Variants in ITPR2 observed in about 807,000 individuals in gnomAD.
The protein encoded by ITPR2 is inositol 1,4,5-trisphosphate receptor type 2.
Under a neutral mutation model 317.1 loss-of-function variants are expected in ITPR2, and 207 were observed. The ratio of observed to expected loss-of-function variants is 0.65; its 90% CI spans 0.58 to 0.73. The LOEUF is 0.73. ITPR2 is among the 30% of genes least tolerant of loss of function. The pLI is 0.00. For missense variants in ITPR2, 2,613 were observed against 3,284.0 expected, an observed-to-expected ratio of 0.80 and a Z score of 4.99; for synonymous variants, 1,156 against 1,149.1, an observed-to-expected ratio of 1.01 and a Z score of -0.12.
chr12:26,536,905 G>A (rs1023171605), intron 37 of ITPR2, among the ~76,000 whole-genome samples: 2 of 152,316 alleles, frequency 1.3e-5, no homozygotes, highest in African/African-American at 4.8e-5. Flanking sequence ...TTTAAAAGAA[G>A]GCAGAGGAAT....
chr12:26,580,137 C>T lies in ITPR2; in HGVS notation c.4399G>A (p.Asp1467Asn), dbSNP rs1945367211. ...DMARVCNTTT[D>N]RKHADIFLEK... ...AAAAAGATGTCTGCATGTTTCCTGTCTGTAGTTGTGTTGCAAACCTGGAGA... is the reference window on the plus strand; with the variant it reads ...AAAAAGATGTCTGCATGTTTCCTGTTTGTAGTTGTGTTGCAAACCTGGAGA... The change falls in exon 33 of 57, where the codon GAC becomes AAC. Residue 1467 changes from aspartate (D) to asparagine (N), a missense_variant. Physicochemically the swap from Asp to Asn is conservative, Grantham distance 23. Around this residue, in one of 9 missense-constraint regions of ITPR2, gnomAD observed 926 missense variants for 1,072.8 expected, o/e 0.86. Coordinates refer to ENST00000381340, the MANE Select transcript of ITPR2 (RefSeq NM_002223.4). 1.9e-6 allele frequency: 3 copies of T among 1,611,850 alleles called. No homozygotes were observed. Among genetic ancestry groups the T allele is most frequent in the South Asian group, 2.2e-5 (2 of 90,708 alleles).
chr12:26,465,904 G>A (rs186633886), intron 45 of ITPR2, among the ~76,000 whole-genome samples: 35 of 152,306 alleles, frequency 2.3e-4, no homozygotes, highest in East Asian at 1.9e-3. Flanking sequence ...TAAGCTCACA[G>A]AGGAAAGGGA....
intron 37 of ITPR2, among the ~76,000 whole-genome samples, chr12:26,510,925 C>T (rs781299904): frequency 3.9e-5 from 6 of 152,098 alleles, no homozygotes; most frequent in Admixed American, 6.5e-5. Flanking sequence ...GTTCACTAGA[C>T]GTGTTGGGGG....
chr12:26,589,813 TAA>T (rs1565624197), intron 32 of ITPR2, among the ~76,000 whole-genome samples: 2,006 of 36,042 alleles, frequency 0.056, 234 homozygotes, highest in Non-Finnish European at 0.07. Flanking sequence ...AAATAAAAAA[TAA>T]ATAAATAAAT....
chr12:26,547,649 C>T (rs935148685), intron 37 of ITPR2, among the ~76,000 whole-genome samples: 5 of 152,184 alleles, frequency 3.3e-5, no homozygotes, highest in Non-Finnish European at 5.9e-5. Flanking sequence ...TGGAATCAAC[C>T]CAAATGTCCC....
At chr12:26,696,666 T>G (rs571899323) in intron 9 of ITPR2, among the ~76,000 whole-genome samples, 6 of 152,284 alleles carry the variant, frequency 3.9e-5, no homozygotes, top group African/African-American at 1.4e-4. Context: ...ATAAAGTAGA[T>G]AGTTCTTGGG....
Position 26,483,905 on chromosome 12 carries a change from G to T in ITPR2, c.5812-7C>A, listed in dbSNP as rs1942600990. On this transcript the variant is annotated splice_polypyrimidine_tract_variant and splice_region_variant and intron_variant, in intron 41 of 56. Transcript: ENST00000381340. The stretch of plus-strand genomic sequence containing the variant: ...TTTGATTCCTCAAGAAGTTCTGAAG[G>T]CAAAAGAAAATAAAATTGAAGGGTT... The T allele has an allele frequency of 6.2e-7, 1 of 1,611,836 alleles. No homozygotes were observed. Among genetic ancestry groups the T allele is most frequent in the Non-Finnish European group, 8.5e-7 (1 of 1,178,222 alleles).
In ITPR2 at chr12:26,425,406, C is replaced by T. The variant is rs531280226; in HGVS notation, c.6945+2507G>A. On this transcript the variant is annotated intron_variant, in intron 49 of 56. Transcript: ENST00000381340. ...CTGAGCGGCCAGGCGCAGTGGCTCA[C>T]GCATGTAATCCCAGCACTTTGGGAG... 3.3e-4 allele frequency among the ~76,000 whole-genome samples: 50 copies of T among 151,976 alleles called. 1 individual carries two copies. The highest frequency in any genetic ancestry group is 1.2e-3 in the African/African-American group (49 of 41,444).
At chr12:26,798,649 T>C (rs894676928) in intron 1 of ITPR2, among the ~76,000 whole-genome samples, 1 of 152,252 alleles carries the variant, frequency 6.6e-6, no homozygotes, top group Non-Finnish European at 1.5e-5. Context: ...ATCCCAAGGA[T>C]GTTAATTCAT....
intron 32 of ITPR2, 58 bp from the exon 33 acceptor site, chr12:26,580,213 GT>G (rs1159643220): frequency 3.3e-6 from 5 of 1,503,526 alleles, no homozygotes; most frequent in Non-Finnish European, 4.5e-6. Context: ...CCACAATTCA[GT>G]ATTGGAACCA....
At chr12:26,727,627 T>C (rs1310362189) in intron 2 of ITPR2, among the ~76,000 whole-genome samples, 1 of 152,144 alleles carries the variant, frequency 6.6e-6, no homozygotes, top group Non-Finnish European at 1.5e-5. Context: ...CACTGTGAAG[T>C]GAAGCCAAAC....
chr12:26,543,251 A>G (rs1181190744), intron 37 of ITPR2, among the ~76,000 whole-genome samples: 1 of 152,022 alleles, frequency 6.6e-6, no homozygotes. Context: ...GCAACTCACC[A>G]CTACACAGAT....
At chr12:26,472,924 T>C (rs1165085425) in intron 45 of ITPR2, among the ~76,000 whole-genome samples, 1 of 152,186 alleles carries the variant, frequency 6.6e-6, no homozygotes, top group Non-Finnish European at 1.5e-5. Context: ...TCTTGCTCTA[T>C]CGCCCAGGAT....
At chr12:26,792,411 C>T (rs1950357137) in intron 1 of ITPR2, among the ~76,000 whole-genome samples, 1 of 151,342 alleles carries the variant, frequency 6.6e-6, no homozygotes, top group African/African-American at 2.4e-5. Flanking sequence ...CTTTTAATGC[C>T]AAAATCCTGG....
chr12:26,398,579 G>A (rs1217073719), intron 54 of ITPR2, among the ~76,000 whole-genome samples: 1 of 152,140 alleles, frequency 6.6e-6, no homozygotes, highest in African/African-American at 2.4e-5. Flanking sequence ...ATGTTACTGT[G>A]ATTAAAAATC....
intron 2 of ITPR2, 39 bp from the exon 3 acceptor site, chr12:26,725,804 C>A: frequency 7.6e-7 from 1 of 1,309,108 alleles, no homozygotes; most frequent in Non-Finnish European, 1.1e-6. Flanking sequence ...GTAACTAAGG[C>A]TACTAGCATT....
At chr12:26,678,674 G>T (rs967986551) in intron 13 of ITPR2, among the ~76,000 whole-genome samples, 1 of 152,162 alleles carries the variant, frequency 6.6e-6, no homozygotes, top group African/African-American at 2.4e-5. Context: ...ATCAATAATT[G>T]TACCTTCATA....
In ITPR2 at chr12:26,697,362, G is replaced by T. The variant is rs187638008; in HGVS notation, c.952-1712C>A. Among the ~76,000 whole-genome samples the T allele has an allele frequency of 5.1e-4, 77 of 152,330 alleles. 1 individual carries two copies. Among genetic ancestry groups the T allele is most frequent in the Admixed American group, 1.4e-3 (21 of 15,302 alleles). On this transcript the variant is annotated intron_variant, in intron 9 of 56. Transcript: ENST00000381340. ...GATGGAACACTGAGTTAGAACAAGGGAGATTCCTTCTCAGAGTCTTTCTCA... is the reference window on the plus strand; with the variant it reads ...GATGGAACACTGAGTTAGAACAAGGTAGATTCCTTCTCAGAGTCTTTCTCA...
intron 38 of ITPR2, among the ~76,000 whole-genome samples, chr12:26,494,572 C>A (rs1331041110): frequency 2.0e-5 from 3 of 151,846 alleles, no homozygotes; most frequent in Admixed American, 1.3e-4. Context: ...GAGTCTGAGA[C>A]CAGCCTGGCC....
Sources: gnomAD v4.1 joint callset for allele counts (sites outside exome capture counted in the v4.1 genomes callset) on GRCh38, gnomAD v4.1.1 for gene constraint, gnomAD v4.1.1 regional missense constraint, MANE v1.5 for transcripts, NCBI Gene and HGNC (gene_info 2026-07-23, HGNC 2026-07-21) for gene names.